Variants in ZBTB20 observed in about 807,000 individuals in gnomAD.
ZBTB20 encodes the protein zinc finger and BTB domain containing 20.
In ZBTB20, 9 loss-of-function variants were observed where a neutral mutation model predicts 56.9. The observed-to-expected ratio is 0.16, with a 90% confidence interval of 0.10 to 0.28. The LOEUF (loss-of-function observed/expected upper bound fraction) is 0.28. Among genes scored for constraint, ZBTB20 ranks in the 10% least tolerant of loss-of-function variants. The probability of loss-of-function intolerance (pLI) is 1.00; values close to 1 mark genes in which losing one functional copy is unlikely to be tolerated. For synonymous variants in ZBTB20, 417 were observed against 420.7 expected (o/e 0.99, Z 0.11); for missense variants, 655 against 1,003.0 (o/e 0.65, Z 4.69).
rs2082070279 is a variant in ZBTB20 at position 114,363,281 on chromosome 3, G to A, written c.200-11403C>T. ...CCTTATTCATTTGAAAATTGGCATG[G>A]GATTTTGACTATCTGCCGAGAGAGC... On this transcript the variant is annotated intron_variant, in intron 10 of 11. Transcript: ENST00000675478. Among the ~76,000 whole-genome samples the A allele has an allele frequency of 1.3e-5, 2 of 152,108 alleles. 1 individual carries two copies. Among genetic ancestry groups the A allele is most frequent in the South Asian group, 4.1e-4 (2 of 4,828 alleles).
At chr3:115,121,205 G>A (rs1369528604) in intron 1 of ZBTB20, among the ~76,000 whole-genome samples, 1 of 151,868 alleles carries the variant, frequency 6.6e-6, no homozygotes, top group Admixed American at 6.6e-5. Context: ...TCTGTTCATT[G>A]GGCTGATTTA....
chr3:114,795,031 C>G (rs1388769550), intron 5 of ZBTB20, among the ~76,000 whole-genome samples: 1 of 151,876 alleles, frequency 6.6e-6, no homozygotes, highest in Non-Finnish European at 1.5e-5. Flanking sequence ...ACAAGAAATC[C>G]GTTAACCAAC....
intron 10 of ZBTB20, among the ~76,000 whole-genome samples, chr3:114,363,912 T>C (rs746368569): frequency 6.6e-6 from 1 of 152,214 alleles, no homozygotes; most frequent in Non-Finnish European, 1.5e-5. Flanking sequence ...CTTATATACA[T>C]CGCTGATGAG....
In ZBTB20 at chr3:114,753,343, T is replaced by TATA. The variant is rs1367432716; in HGVS notation, c.-343+47757_-343+47758insTAT. Among the ~76,000 whole-genome samples, 225 of 118,166 alleles carry TATA rather than the reference T, an allele frequency of 1.9e-3. 56 individuals carry two copies. The highest frequency in any genetic ancestry group is 3.0e-3 in the Admixed American group (27 of 9,128). The allele number at this position is 118,166 out of a possible 152,430, so 77.5% of individuals were successfully genotyped here. A position where few individuals can be genotyped will look rare whatever the true frequency, so the allele number is the denominator to read the frequency against. ...TGTATACCTGTATATATAATGTATA[T>TATA]ATGTATACATTATATATAATGTATA... On this transcript the variant is annotated intron_variant, in intron 5 of 11. Transcript: ENST00000675478.
intron 7 of ZBTB20, among the ~76,000 whole-genome samples, chr3:114,429,080 G>A (rs9288999): frequency 0.6 from 90,392 of 151,832 alleles, 29,142 homozygotes; most frequent in Non-Finnish European, 0.73. Context: ...AAAGAGGACC[G>A]GTGTTGTAGC....
intron 5 of ZBTB20, among the ~76,000 whole-genome samples, chr3:114,787,370 C>CACAA (rs1367544699): frequency 2.6e-5 from 3 of 114,414 alleles, no homozygotes; most frequent in South Asian, 2.8e-4. Flanking sequence ...TATATATATA[C>CACAA]ACACACACAC....
chr3:115,030,684 T>G (rs972242129), intron 2 of ZBTB20, among the ~76,000 whole-genome samples: 1 of 151,236 alleles, frequency 6.6e-6, no homozygotes, highest in Non-Finnish European at 1.5e-5. Context: ...GTCCTCATTT[T>G]CACGTTAAAC....
At position 114,350,979 on chromosome 3, in the gene ZBTB20, C is replaced by T; in HGVS notation, c.1099G>A (p.Glu367Lys). The change falls in exon 11 of 12, where the codon GAG becomes AAG. Residue 367 changes from glutamate (E) to lysine (K), a missense_variant. Physicochemically the swap from Glu to Lys is moderately conservative, Grantham distance 56. Around this residue, in one of 10 missense-constraint regions of ZBTB20, gnomAD observed 156 missense variants for 181.0 expected, o/e 0.86. Transcript: ENST00000675478. ...AAGCTTTCACCTTTGGGCTCACTCT[C>T]GGTGCCCTCGGCCTGGTCTGTGTCT... The part of the protein sequence containing the change: ...TEDTDQAEGT[E>K]SEPKGESFDS... 1.2e-6 allele frequency: 2 copies of T among 1,608,582 alleles called. No individual in the cohort carries two copies. The highest frequency in any genetic ancestry group is 1.7e-6 in the Non-Finnish European group (2 of 1,179,934).
At chr3:114,441,979 A>G (rs1445276891) in intron 7 of ZBTB20, among the ~76,000 whole-genome samples, 1 of 152,182 alleles carries the variant, frequency 6.6e-6, no homozygotes, top group African/African-American at 2.4e-5. Flanking sequence ...CAAATTTACA[A>G]ATTTTATAAG....
chr3:114,696,745 C>T lies in ZBTB20; in HGVS notation c.-342-3170G>A, dbSNP rs570495554. Among the ~76,000 whole-genome samples the T allele has an allele frequency of 3.3e-5, 5 of 151,914 alleles. No homozygotes were observed. In the South Asian group the frequency reaches 1.0e-3, roughly 32 times the overall value. On this transcript the variant is annotated intron_variant, in intron 5 of 11. Coordinates refer to ENST00000675478, the MANE Select transcript of ZBTB20 (RefSeq NM_001348800.3). ...CCCACTTAAGGTGGAAAGGGAGTTACTCCAATGAAAGAAAAGGGGGAGGGG... is the reference window on the plus strand; with the variant it reads ...CCCACTTAAGGTGGAAAGGGAGTTATTCCAATGAAAGAAAAGGGGGAGGGG...
intron 7 of ZBTB20, among the ~76,000 whole-genome samples, chr3:114,424,268 G>C (rs182941132): frequency 6.6e-6 from 1 of 152,308 alleles, no homozygotes; most frequent in East Asian, 1.9e-4. Context: ...AAAGCATGGT[G>C]AATTTCTGTG....
chr3:114,364,001 T>C (rs2082140635), intron 10 of ZBTB20, among the ~76,000 whole-genome samples: 1 of 152,200 alleles, frequency 6.6e-6, no homozygotes, highest in Non-Finnish European at 1.5e-5. Context: ...TAACAGTACA[T>C]GGCCTTCAAA....
intron 5 of ZBTB20, among the ~76,000 whole-genome samples, chr3:114,717,705 T>C (rs896683073): frequency 6.6e-6 from 1 of 152,160 alleles, no homozygotes; most frequent in Non-Finnish European, 1.5e-5. Flanking sequence ...GTATTAGTTA[T>C]TACCGTATCT....
intron 6 of ZBTB20, among the ~76,000 whole-genome samples, chr3:114,540,601 G>A (rs78633172): frequency 0.013 from 1,944 of 152,092 alleles, 48 homozygotes; most frequent in African/African-American, 0.044. Flanking sequence ...ATGGAAAACC[G>A]GACATTTTGT....
intron 10 of ZBTB20, among the ~76,000 whole-genome samples, chr3:114,364,319 C>T (rs189672175): frequency 3.1e-4 from 47 of 152,128 alleles, no homozygotes; most frequent in Non-Finnish European, 5.6e-4. Flanking sequence ...GGCATGGTGG[C>T]GCATGCCTAT....
intron 7 of ZBTB20, among the ~76,000 whole-genome samples, chr3:114,407,778 G>A (rs2722014): frequency 0.71 from 108,312 of 152,028 alleles, 39,770 homozygotes; most frequent in African/African-American, 0.91. Context: ...AGAATAATTC[G>A]CAATCTGTGA....
chr3:114,975,518 G>C (rs1169465186), intron 2 of ZBTB20, among the ~76,000 whole-genome samples: 1 of 151,994 alleles, frequency 6.6e-6, no homozygotes, highest in Non-Finnish European at 1.5e-5. Flanking sequence ...AACCACACTA[G>C]TAAACCAAAA....
intron 10 of ZBTB20, among the ~76,000 whole-genome samples, chr3:114,352,860 T>C (rs1211641184): frequency 2.0e-5 from 3 of 152,174 alleles, no homozygotes. Context: ...ATGATCTCCT[T>C]GGGTAATAGG....
chr3:114,867,188 A>G (rs2075800652), intron 4 of ZBTB20, among the ~76,000 whole-genome samples: 1 of 152,102 alleles, frequency 6.6e-6, no homozygotes, highest in Non-Finnish European at 1.5e-5. Context: ...GCAAATTTTA[A>G]AACACGATCT....
Sources: gnomAD v4.1 joint callset for allele counts (sites outside exome capture counted in the v4.1 genomes callset) on GRCh38, gnomAD v4.1.1 for gene constraint, gnomAD v4.1.1 regional missense constraint, MANE v1.5 for transcripts, NCBI Gene and HGNC (gene_info 2026-07-23, HGNC 2026-07-21) for gene names.